The following EPHA5 variants were observed in gnomAD, a reference collection of about 807,000 sequenced individuals.
EPHA5 encodes the protein ephrin type-A receptor 5.
Under a neutral mutation model 105.0 loss-of-function variants are expected in EPHA5, and 60 were observed. The observed-to-expected ratio is 0.57, with a 90% CI of 0.46 to 0.71. The LOEUF is 0.71. Ranked by LOEUF, EPHA5 falls within the 30% of genes least tolerant of loss-of-function variation. The probability of loss-of-function intolerance (pLI) is 0.00; values close to 1 mark genes in which losing one functional copy is unlikely to be tolerated. For synonymous variants in EPHA5, 513 were observed against 449.1 expected, an observed-to-expected ratio of 1.14 and a Z score of -1.80; for missense variants, 1,218 against 1,274.7, an observed-to-expected ratio of 0.96 and a Z score of 0.68.
chr4:65,345,054 A>C (rs1289680665), intron 14 of EPHA5, among the ~76,000 whole-genome samples: 2 of 152,142 alleles, frequency 1.3e-5, no homozygotes, highest in Non-Finnish European at 2.9e-5. Context: ...CTTAATTGTA[A>C]AACAGTAACA....
At chr4:65,540,039 G>C (rs1431626658) in intron 3 of EPHA5, among the ~76,000 whole-genome samples, 1 of 151,320 alleles carries the variant, frequency 6.6e-6, no homozygotes, top group Non-Finnish European at 1.5e-5. Flanking sequence ...CTTCTACAAG[G>C]ATGTTCTATT....
intron 3 of EPHA5, among the ~76,000 whole-genome samples, chr4:65,510,430 G>T (rs1733506047): frequency 6.6e-6 from 1 of 152,000 alleles, no homozygotes; most frequent in Admixed American, 6.6e-5. Context: ...AGCTCTTCCA[G>T]TCCATGTAAT....
intron 1 of EPHA5, among the ~76,000 whole-genome samples, chr4:65,652,744 T>C (rs945318826): frequency 6.6e-6 from 1 of 152,146 alleles, no homozygotes; most frequent in Non-Finnish European, 1.5e-5. Flanking sequence ...TTTTATTGTA[T>C]ATCAGATGAA....
At chr4:65,572,597 C>A (rs1409358521) in intron 3 of EPHA5, among the ~76,000 whole-genome samples, 1 of 152,108 alleles carries the variant, frequency 6.6e-6, no homozygotes, top group East Asian at 1.9e-4. Flanking sequence ...GTTTGTATAG[C>A]AATTGTGACT....
At chr4:65,641,922 A>G (rs1024487344) in intron 2 of EPHA5, among the ~76,000 whole-genome samples, 1 of 152,122 alleles carries the variant, frequency 6.6e-6, no homozygotes, top group African/African-American at 2.4e-5. Context: ...GTTTTTATAA[A>G]GCAATTAATT....
At chr4:65,549,635 T>C (rs1237265774) in intron 3 of EPHA5, among the ~76,000 whole-genome samples, 1 of 152,114 alleles carries the variant, frequency 6.6e-6, no homozygotes, top group African/African-American at 2.4e-5. Flanking sequence ...GGCAACCCTT[T>C]AAAAACTGAT....
At chr4:65,484,703 C>G (rs1015353931) in intron 5 of EPHA5, among the ~76,000 whole-genome samples, 1 of 152,034 alleles carries the variant, frequency 6.6e-6, no homozygotes, top group Non-Finnish European at 1.5e-5. Context: ...ACAAAATATA[C>G]ATGTATATAT....
chr4:65,418,933 G>C (rs1397529437), intron 6 of EPHA5, among the ~76,000 whole-genome samples: 1 of 122,052 alleles, frequency 8.2e-6, no homozygotes, highest in Non-Finnish European at 1.6e-5. Flanking sequence ...GCCCAGACTG[G>C]AGTGCAATGG....
rs1577977308 is a variant in EPHA5 at position 65,385,186 on chromosome 4, A to C, written c.1794-17762T>G. The stretch of plus-strand genomic sequence containing the variant: ...TGTTTTAAATACTCATTTAATGAAA[A>C]AATAACATCAATTAAAAATATGAGT... On this transcript the variant is annotated intron_variant, in intron 8 of 16. Transcript: ENST00000613740. 3.9e-5 allele frequency among the ~76,000 whole-genome samples: 6 copies of C among 152,032 alleles called. No individual in the cohort carries two copies. In the South Asian group the frequency reaches 1.2e-3, roughly 32 times the overall value.
intron 5 of EPHA5, among the ~76,000 whole-genome samples, chr4:65,431,798 T>C (rs1725004967): frequency 6.6e-6 from 1 of 152,114 alleles, no homozygotes; most frequent in African/African-American, 2.4e-5. Context: ...TGTACCTGCA[T>C]TCCATATTAT....
At chr4:65,650,164 C>T (rs1748465508) in intron 1 of EPHA5, among the ~76,000 whole-genome samples, 1 of 152,020 alleles carries the variant, frequency 6.6e-6, no homozygotes, top group Non-Finnish European at 1.5e-5. Context: ...TCAGCCTGCC[C>T]CCAAATGAAC....
In EPHA5 at chr4:65,367,368, T is replaced by A; in HGVS notation, c.1850A>T (p.His617Leu). The A allele has an allele frequency of 1.9e-6, 3 of 1,611,674 alleles. No individual in the cohort carries two copies. The highest frequency in any genetic ancestry group is 2.5e-6 in the Non-Finnish European group (3 of 1,179,140). Residue 617 changes from histidine to leucine, a missense_variant, in exon 9 of 17, where the codon CAT becomes CTT. His to Leu is a moderately conservative substitution (Grantham distance 99, BLOSUM62 -3). Transcript: ENST00000613740. Reference protein sequence around the residue: ...QDPEEEKMHFHNGHIKLPGVR... With the variant: ...QDPEEEKMHFLNGHIKLPGVR... ...TACAATTTGCTTACTGTGCCCATTATGAAAATGCATCTTTTCCTCTTCTGG... is the reference window on the plus strand; with the variant it reads ...TACAATTTGCTTACTGTGCCCATTAAGAAAATGCATCTTTTCCTCTTCTGG...
intron 3 of EPHA5, among the ~76,000 whole-genome samples, chr4:65,519,430 G>A (rs1734448532): frequency 6.6e-6 from 1 of 152,102 alleles, no homozygotes; most frequent in East Asian, 1.9e-4. Flanking sequence ...CATACTGAAA[G>A]GGCAAAAACG....
chr4:65,544,707 C>A (rs1737204827), intron 3 of EPHA5, among the ~76,000 whole-genome samples: 1 of 151,860 alleles, frequency 6.6e-6, no homozygotes, highest in Non-Finnish European at 1.5e-5. Context: ...GCCATTTGAC[C>A]CAGCAATCCC....
At chr4:65,386,082 AT>A (rs1038706060) in intron 8 of EPHA5, among the ~76,000 whole-genome samples, 1 of 151,826 alleles carries the variant, frequency 6.6e-6, no homozygotes, top group South Asian at 2.1e-4. Context: ...CATTTTAAAG[AT>A]TTTTTTATAT....
At chr4:65,325,854 A>T (rs960964886) in intron 16 of EPHA5, among the ~76,000 whole-genome samples, 2 of 151,036 alleles carry the variant, frequency 1.3e-5, no homozygotes, top group African/African-American at 2.4e-5. Flanking sequence ...TGTCTTATGC[A>T]TCGTAGAATA....
In EPHA5 at chr4:65,615,061, T is replaced by C. The variant is rs1393509400; in HGVS notation, c.247-12757A>G. Among the ~76,000 whole-genome samples the C allele has an allele frequency of 2.6e-5, 4 of 151,830 alleles. No individual in the cohort carries two copies. The East Asian group carries it at 7.7e-4, about 29-fold the overall frequency. ...TACTTTACAAAGAATGCAATTATGCTAAATTGTGTTTTGTTACATTCATAA... is the reference window on the plus strand; with the variant it reads ...TACTTTACAAAGAATGCAATTATGCCAAATTGTGTTTTGTTACATTCATAA... On this transcript the variant is annotated intron_variant, in intron 2 of 16. Transcript: ENST00000613740.
chr4:65,584,901 T>C (rs1385883410), intron 3 of EPHA5, among the ~76,000 whole-genome samples: 1 of 151,942 alleles, frequency 6.6e-6, no homozygotes, highest in Admixed American at 6.6e-5. Flanking sequence ...TTTTTAACTG[T>C]TTTTTAAATG....
intron 5 of EPHA5, among the ~76,000 whole-genome samples, chr4:65,482,430 A>G (rs7671043): frequency 0.21 from 31,681 of 152,098 alleles, 4,115 homozygotes; most frequent in Middle Eastern, 0.35. Flanking sequence ...TCTATAATTT[A>G]TATTTTCTAT....
Sources: gnomAD v4.1 joint callset for allele counts (sites outside exome capture counted in the v4.1 genomes callset) on GRCh38, gnomAD v4.1.1 for gene constraint, MANE v1.5 for transcripts, NCBI Gene and HGNC (gene_info 2026-07-23, HGNC 2026-07-21) for gene names.